TRMT44: variants seen among roughly 807,000 people sequenced by gnomAD.
The protein encoded by TRMT44 is tRNA methyltransferase 44 homolog, also known as probable tRNA (uracil-O(2)-)-methyltransferase.
A neutral mutation model predicts 77.3 loss-of-function variants in TRMT44; 78 were observed. That is an observed-to-expected ratio of 1.01 (90% CI 0.84 to 1.22). TRMT44 has a LOEUF of 1.22. TRMT44 is among the 50% of genes most tolerant of loss of function. TRMT44 has a pLI of 0.00. For synonymous variants in TRMT44, 391 were observed against 383.3 expected (o/e 1.02, Z -0.23); for missense variants, 1,090 against 964.4 (o/e 1.13, Z -1.73).
chr4:8,504,762 G>C, the TRMT44 span, among the ~76,000 whole-genome samples: 1 of 152,118 alleles, frequency 6.6e-6, no homozygotes, highest in Non-Finnish European at 1.5e-5. This position sits in a 1 kb window ranked among gnomAD's most constrained non-coding sequence, Gnocchi z 5.3. Context: ...AGGCACCCTG[G>C]CTGCACCTGC....
At chr4:8,493,517 G>A (rs890798496) in exon 3 of TRMT44, 8 of 152,120 alleles carry the variant, frequency 5.3e-5, no homozygotes, top group Admixed American at 1.3e-4. Context: ...TCTTCCACAC[G>A]GCCGACTCTG....
At chr4:8,449,235 A>G (rs1252973072) in intron 2 of TRMT44, among the ~76,000 whole-genome samples, 1 of 152,252 alleles carries the variant, frequency 6.6e-6, no homozygotes, top group African/African-American at 2.4e-5. Flanking sequence ...CAAAATGCAC[A>G]GCAGCCTTTA....
the TRMT44 span, among the ~76,000 whole-genome samples, chr4:8,513,735 C>T: frequency 1.8e-4 from 27 of 151,952 alleles, no homozygotes; most frequent in African/African-American, 6.5e-4. Context: ...TTTAAAAAGA[C>T]ACATCACAAA....
chr4:8,510,479 A>G, the TRMT44 span: 3 of 152,840 alleles, frequency 2.0e-5, no homozygotes, highest in African/African-American at 7.2e-5. Context: ...TCATGCCTGC[A>G]TGGTGTCTCT....
At position 8,440,899 on chromosome 4, in the gene TRMT44, T is replaced by C; in HGVS notation, c.77T>C (p.Val26Ala). The change falls in exon 1 of 11, where the codon GTG (valine) becomes GCG (alanine). Residue 26 changes from valine (V) to alanine (A), a missense_variant. By Grantham distance (64) the Val-to-Ala change is moderately conservative. Coordinates refer to ENST00000389737, the MANE Select transcript of TRMT44 (RefSeq NM_152544.3). Reference protein sequence around the residue: ...LPQGFWAAVEVWLERPQVANK... With the variant: ...LPQGFWAAVEAWLERPQVANK... The stretch of plus-strand genomic sequence containing the variant: ...CAGGGCTTCTGGGCTGCGGTCGAAG[T>C]GTGGCTGGAGAGGCCGCAGGTGGCA... The C allele has an allele frequency of 6.5e-7, 1 of 1,529,362 alleles. No individual in the cohort carries two copies. Among genetic ancestry groups the C allele is most frequent in the Non-Finnish European group, 8.7e-7 (1 of 1,145,116 alleles). 94.7% of individuals were successfully genotyped at this position (1,529,362 alleles called of 1,614,324 possible).
At chr4:8,460,590 A>T (rs192079590) in intron 6 of TRMT44, among the ~76,000 whole-genome samples, 1 of 150,624 alleles carries the variant, frequency 6.6e-6, no homozygotes, top group African/African-American at 2.4e-5. Context: ...GAGAACTATC[A>T]CCCAGGCTGG....
intron 5 of TRMT44, among the ~76,000 whole-genome samples, chr4:8,453,932 A>C (rs765912384): frequency 1.3e-5 from 2 of 152,154 alleles, no homozygotes; most frequent in Non-Finnish European, 2.9e-5. Flanking sequence ...GCCCTTTTTC[A>C]AGTGTGTTAT....
At chr4:8,458,046 A>C (rs1385418562) in intron 6 of TRMT44, among the ~76,000 whole-genome samples, 1 of 151,792 alleles carries the variant, frequency 6.6e-6, no homozygotes, top group African/African-American at 2.4e-5. Flanking sequence ...AATATGTAAA[A>C]GAGACAGTGC....
rs1579090105 is a variant in TRMT44 at position 8,476,335 on chromosome 4, A to G, written c.*334A>G. 1 of 341,322 alleles carries G rather than the reference A, an allele frequency of 2.9e-6. No individual in the cohort carries two copies. Among genetic ancestry groups the G allele is most frequent in the South Asian group, 3.6e-5 (1 of 27,614 alleles). The allele number at this position is 341,322 out of a possible 1,614,324, so 21.1% of individuals were successfully genotyped here. A position where few individuals can be genotyped will look rare whatever the true frequency, so the allele number is the denominator to read the frequency against. On this transcript the variant is annotated 3_prime_UTR_variant, in exon 11 of 11. Coordinates refer to ENST00000389737, the MANE Select transcript of TRMT44 (RefSeq NM_152544.3). Reference sequence around the variant, plus strand: ...AGGCTGCCTTGCACAGGCCCTTCCCAGGGCGCTGTCCGACGCCTGCCCCAC... The same window carrying G: ...AGGCTGCCTTGCACAGGCCCTTCCCGGGGCGCTGTCCGACGCCTGCCCCAC...
the TRMT44 span, among the ~76,000 whole-genome samples, chr4:8,514,324 G>T: frequency 6.9e-6 from 1 of 144,060 alleles, no homozygotes; most frequent in Non-Finnish European, 1.5e-5. Context: ...GTGTGATCTC[G>T]GCTCACTGCA....
rs997119933 is a variant in TRMT44, at chr4:8,462,799, T to C, written c.1204-1186T>C. 9.9e-5 allele frequency among the ~76,000 whole-genome samples: 15 copies of C among 152,192 alleles called. No homozygotes were observed. In the East Asian group the frequency reaches 2.9e-3, roughly 29 times the overall value. On this transcript the variant is annotated intron_variant, in intron 6 of 10. Transcript: ENST00000389737. ...GCTGTTGGCAAGATAATATAAAATATGATTATGGTCTTTACTAAATGTCAG... is the reference window on the plus strand; with the variant it reads ...GCTGTTGGCAAGATAATATAAAATACGATTATGGTCTTTACTAAATGTCAG...
the TRMT44 span, among the ~76,000 whole-genome samples, chr4:8,500,762 A>G: frequency 2.0e-5 from 3 of 151,854 alleles, no homozygotes; most frequent in Non-Finnish European, 4.4e-5. Context: ...GGTTCAAGCA[A>G]TCCTTGTGCC....
chr4:8,473,281 G>A (rs574521360), intron 10 of TRMT44: 1 of 152,710 alleles, frequency 6.5e-6, no homozygotes, highest in East Asian at 1.9e-4. Context: ...GCCGCCAAGG[G>A]GCGGCGCGCT....
the TRMT44 span, chr4:8,512,628 A>G: frequency 6.6e-6 from 1 of 152,230 alleles, no homozygotes; most frequent in Non-Finnish European, 1.5e-5. Context: ...AATTTATGAA[A>G]GGTAAATTTC....
chr4:8,475,231 GAC>G (rs765548293), intron 10 of TRMT44, among the ~76,000 whole-genome samples: 2 of 152,226 alleles, frequency 1.3e-5, no homozygotes, highest in Non-Finnish European at 2.9e-5. Flanking sequence ...CCGTAATGCT[GAC>G]ACAGTCCTCA....
At chr4:8,474,539 G>A (rs1388966142) in intron 10 of TRMT44, among the ~76,000 whole-genome samples, 1 of 152,232 alleles carries the variant, frequency 6.6e-6, no homozygotes, top group Non-Finnish European at 1.5e-5. Context: ...AGGGGAAACT[G>A]TAAAACATCA....
chr4:8,479,821 T>C (rs995214120), downstream of TRMT44, among the ~76,000 whole-genome samples: 1 of 149,068 alleles, frequency 6.7e-6, no homozygotes, highest in Non-Finnish European at 1.5e-5. Flanking sequence ...TTTTTGACTC[T>C]TTTTTAATAA....
downstream of TRMT44, among the ~76,000 whole-genome samples, chr4:8,497,576 C>T (rs1369478507): frequency 1.3e-5 from 2 of 152,108 alleles, no homozygotes; most frequent in Non-Finnish European, 1.5e-5. Flanking sequence ...ACCCAGGAAG[C>T]GGAGCTTGCA....
intron 6 of TRMT44, among the ~76,000 whole-genome samples, chr4:8,459,714 AG>A (rs1201625158): frequency 2.6e-5 from 4 of 152,224 alleles, no homozygotes; most frequent in Admixed American, 2.0e-4. Flanking sequence ...ATCCAATGGG[AG>A]AAAAAACAGC....
Sources: allele counts gnomAD v4.1 joint callset (sites outside exome capture counted in the v4.1 genomes callset), GRCh38; gene constraint gnomAD v4.1.1; non-coding constraint Gnocchi (gnomAD v3.1); transcripts MANE v1.5; gene names NCBI Gene and HGNC (gene_info 2026-07-23, HGNC 2026-07-21).